The following YAF2 variants were observed in gnomAD, a reference collection of about 807,000 sequenced individuals.
YAF2 encodes YY1 associated factor 2, also known as YY1-associated factor 2.
In YAF2, 7 loss-of-function variants were observed where a neutral mutation model predicts 20.1. The ratio of observed to expected loss-of-function variants is 0.35; its 90% CI spans 0.20 to 0.65. The LOEUF (loss-of-function observed/expected upper bound fraction) is 0.65, where lower values mean the gene tolerates loss of function less well. YAF2 is among the 30% of genes least tolerant of loss of function. YAF2 has a pLI of 0.69. For synonymous variants in YAF2, 74 were observed against 76.0 expected, an observed-to-expected ratio of 0.97 and a Z score of 0.14; for missense variants, 151 against 219.2, an observed-to-expected ratio of 0.69 and a Z score of 1.96.
chr12:42,198,823 T>C (rs1478418303), intron 2 of YAF2, among the ~76,000 whole-genome samples: 1 of 152,174 alleles, frequency 6.6e-6, no homozygotes, highest in Non-Finnish European at 1.5e-5. Context: ...ACAGCAGAAT[T>C]ACATAACACC....
chr12:42,169,959 CT>C (rs549583241), intron 2 of YAF2, among the ~76,000 whole-genome samples: 159 of 152,070 alleles, frequency 1.0e-3, no homozygotes, highest in Non-Finnish European at 1.9e-3. Flanking sequence ...CAGCCTCAAC[CT>C]TCTGGGTTCA....
intron 2 of YAF2, among the ~76,000 whole-genome samples, chr12:42,223,858 C>A (rs1018053660): frequency 7.0e-5 from 10 of 143,878 alleles, no homozygotes; most frequent in African/African-American, 2.6e-4. Context: ...GGGAACATCA[C>A]ACACTGGGGC....
intron 2 of YAF2, among the ~76,000 whole-genome samples, chr12:42,217,924 G>A (rs189162072): frequency 1.6e-4 from 25 of 152,254 alleles, no homozygotes; most frequent in African/African-American, 6.0e-4. Context: ...TGGGGAAGTA[G>A]AGGGCAGAAG....
At position 42,223,100 on chromosome 12, in the gene YAF2, G is replaced by A. The variant is rs138812312; in HGVS notation, c.152+14499C>T. ...CAAACAACCCTATGAGACTGGTGAA[G>A]AAGGTAGAAATCCAGTCACAGAATT... On this transcript the variant is annotated intron_variant, in intron 2 of 3. Coordinates refer to ENST00000534854, the MANE Select transcript of YAF2 (RefSeq NM_005748.6). Among the ~76,000 whole-genome samples the A allele has an allele frequency of 2.5e-4, 38 of 152,252 alleles. No homozygotes were observed. In the East Asian group the frequency reaches 7.1e-3, roughly 29 times the overall value.
intron 2 of YAF2, chr12:42,234,988 A>G (rs1713824142): frequency 6.1e-6 from 6 of 984,772 alleles, no homozygotes; most frequent in Non-Finnish European, 7.2e-6. Context: ...ATCTTATCTC[A>G]AAAAAGAAAA....
intron 2 of YAF2, among the ~76,000 whole-genome samples, chr12:42,200,661 C>T (rs989181087): frequency 7.2e-5 from 11 of 152,148 alleles, no homozygotes; most frequent in African/African-American, 2.2e-4. Flanking sequence ...CAGTGTATCT[C>T]CCTCACCTTG....
chr12:42,234,819 C>T (rs2068094773), intron 2 of YAF2: 4 of 779,454 alleles, frequency 5.1e-6, no homozygotes, highest in Admixed American at 6.2e-5. Flanking sequence ...GATCCCCCAT[C>T]TCTACAAAAA....
intron 2 of YAF2, among the ~76,000 whole-genome samples, chr12:42,218,499 A>G (rs2067426047): frequency 6.6e-6 from 1 of 152,094 alleles, no homozygotes; most frequent in South Asian, 2.1e-4. Context: ...TTCTCAAATA[A>G]ATCCCCTTTT....
At chr12:42,229,703 C>T (rs1178976307) in intron 2 of YAF2, among the ~76,000 whole-genome samples, 1 of 152,174 alleles carries the variant, frequency 6.6e-6, no homozygotes, top group African/African-American at 2.4e-5. Flanking sequence ...TACTACATAC[C>T]TAGGCTATAT....
intron 2 of YAF2, among the ~76,000 whole-genome samples, chr12:42,195,885 T>C (rs1456646894): frequency 6.6e-6 from 1 of 151,492 alleles, no homozygotes; most frequent in Non-Finnish European, 1.5e-5. Flanking sequence ...AAACTGGTGG[T>C]GGGGAAGAGT....
Position 42,235,536 on chromosome 12 carries a change from T to C in YAF2, c.152+2063A>G, listed in dbSNP as rs115657101. The C allele has an allele frequency of 2.1e-3, 2,819 of 1,343,002 alleles. 48 individuals are homozygous for C. The African/African-American group carries it at 0.038, about 18-fold the overall frequency. The allele number at this position is 1,343,002 out of a possible 1,614,324, so 83.2% of individuals were successfully genotyped here. A position where few individuals can be genotyped will look rare whatever the true frequency, so the allele number is the denominator to read the frequency against. On this transcript the variant is annotated intron_variant, in intron 2 of 3. Transcript: ENST00000534854. ...GAAATTAGAGCTCTTAGGTTTAACT[T>C]AGAGCCAAAATCAAAAGAGAAGAGA... is the stretch of plus-strand genomic sequence containing the variant.
At chr12:42,195,399 T>C (rs1390137239) in intron 2 of YAF2, among the ~76,000 whole-genome samples, 1 of 152,074 alleles carries the variant, frequency 6.6e-6, no homozygotes, top group Non-Finnish European at 1.5e-5. Context: ...AAATGCCAAA[T>C]ACTAAAACAA....
intron 2 of YAF2, chr12:42,235,536 T>TA (rs758126162): frequency 1.0e-4 from 134 of 1,343,018 alleles, no homozygotes; most frequent in Non-Finnish European, 1.1e-4. Flanking sequence ...AGGTTTAACT[T>TA]AGAGCCAAAA....
chr12:42,181,379 A>T (rs74078197), intron 2 of YAF2, among the ~76,000 whole-genome samples: 3,667 of 152,288 alleles, frequency 0.024, 146 homozygotes, highest in African/African-American at 0.084. Flanking sequence ...TAAGAGTCAT[A>T]GTCAGGCAGT....
intron 2 of YAF2, among the ~76,000 whole-genome samples, chr12:42,182,407 C>T (rs1188948488): frequency 1.3e-5 from 2 of 152,122 alleles, no homozygotes; most frequent in Non-Finnish European, 1.5e-5. Context: ...TATGTAATTA[C>T]AGACAATCTA....
chr12:42,188,642 T>C (rs999345128), intron 2 of YAF2, among the ~76,000 whole-genome samples: 1 of 152,040 alleles, frequency 6.6e-6, no homozygotes, highest in African/African-American at 2.4e-5. Flanking sequence ...TACCTATGCC[T>C]CCCAAAGTGC....
rs1565590219 is a variant in YAF2, at chr12:42,158,990, T to C, written c.*1599A>G. ...CTGGTATTCCATTGAAAGTATCTTA[T>C]AATAAACACAAATTTTAATTTTTCA... On this transcript the variant is annotated 3_prime_UTR_variant, in exon 4 of 4. Coordinates refer to ENST00000534854, the MANE Select transcript of YAF2 (RefSeq NM_005748.6). 2.0e-5 allele frequency: 3 copies of C among 152,188 alleles called. No homozygotes were observed. Among genetic ancestry groups the C allele is most frequent in the African/African-American group, 7.2e-5 (3 of 41,450 alleles). 9.4% of individuals were successfully genotyped at this position (152,188 alleles called of 1,614,324 possible).
chr12:42,225,651 T>C (rs1328940773), intron 2 of YAF2, among the ~76,000 whole-genome samples: 1 of 152,200 alleles, frequency 6.6e-6, no homozygotes, highest in Non-Finnish European at 1.5e-5. Context: ...TCCCCAGTGT[T>C]TGTTTTTGTC....
chr12:42,175,918 A>C (rs1241017486), intron 2 of YAF2, among the ~76,000 whole-genome samples: 1 of 151,886 alleles, frequency 6.6e-6, no homozygotes. Flanking sequence ...GTCTCCCATA[A>C]ACTCCAGACT....
Sources: allele counts gnomAD v4.1 joint callset (sites outside exome capture counted in the v4.1 genomes callset), GRCh38; gene constraint gnomAD v4.1.1; transcripts MANE v1.5; gene names NCBI Gene and HGNC (gene_info 2026-07-23, HGNC 2026-07-21).